The following CRBN variants were observed in gnomAD, a reference collection of about 807,000 sequenced individuals.
The protein encoded by CRBN is protein cereblon.
In CRBN, 53 loss-of-function variants were observed where a neutral mutation model predicts 62.2. That is an observed-to-expected ratio of 0.85 (90% CI 0.68 to 1.07). CRBN has a LOEUF of 1.07. Among genes scored for constraint, CRBN ranks in the 50% least tolerant of loss-of-function variants. The pLI is 0.00. For missense variants in CRBN, 616 were observed against 531.1 expected (o/e 1.16, Z -1.57); for synonymous variants, 208 against 176.1 (o/e 1.18, Z -1.43).
chr3:3,177,367 ACTTT>A (rs1422161462), intron 1 of CRBN, among the ~76,000 whole-genome samples: 5 of 152,220 alleles, frequency 3.3e-5, no homozygotes, highest in African/African-American at 1.2e-4. Flanking sequence ...ACTGCCTTGG[ACTTT>A]CTATTTATTA....
intron 4 of CRBN, among the ~76,000 whole-genome samples, chr3:3,169,866 G>A (rs148648375): frequency 1.3e-5 from 2 of 150,460 alleles, no homozygotes; most frequent in Admixed American, 6.7e-5. Flanking sequence ...AACTTCTGAA[G>A]AGTCCTATGT....
At chr3:3,171,531 G>C (rs1447900167) in intron 4 of CRBN, among the ~76,000 whole-genome samples, 1 of 152,172 alleles carries the variant, frequency 6.6e-6, no homozygotes, top group East Asian at 1.9e-4. Context: ...TGTCAGGACA[G>C]TGCAATGTGG....
In CRBN at chr3:3,167,126, G is replaced by A. The variant is rs1430587690; in HGVS notation, c.687+508C>T. Among the ~76,000 whole-genome samples the A allele has an allele frequency of 2.0e-5, 3 of 152,062 alleles. No homozygotes were observed. The East Asian group carries it at 5.8e-4, about 29-fold the overall frequency. ...CAAAGGATATAACATAGGAATTAGT[G>A]CCCAAACAAGCAACATTTTTAAAGA... On this transcript the variant is annotated intron_variant, in intron 5 of 10. Coordinates refer to ENST00000231948, the MANE Select transcript of CRBN (RefSeq NM_016302.4).
chr3:3,156,474 T>C lies in CRBN; in HGVS notation c.688-193A>G, dbSNP rs373032406. The C allele has an allele frequency of 5.4e-4, 321 of 593,510 alleles. 2 individuals are homozygous for C. The Middle Eastern group carries it at 6.8e-3, about 13-fold the overall frequency. 36.8% of individuals were successfully genotyped at this position (593,510 alleles called of 1,614,324 possible). A position where few individuals can be genotyped will look rare whatever the true frequency, so the allele number is the denominator to read the frequency against. On this transcript the variant is annotated intron_variant, in intron 5 of 10. Transcript: ENST00000231948. ...TCATGCTTCCTATATCCTTCAAATA[T>C]ATATTGTAACTAGAATCTTCATTCC...
Position 3,175,099 on chromosome 3 carries a change from T to TA in CRBN, c.174+63dup, listed in dbSNP as rs896101132. On this transcript the variant is annotated intron_variant, in intron 2 of 10. Transcript: ENST00000231948. ...AATACAAATATCAGTCACTTGTTTT[T>TA]ATGAACTTTTATCTACATTTAAATG... 165 of 1,122,112 alleles carry TA rather than the reference T, an allele frequency of 1.5e-4. 1 individual carries two copies. The African/African-American group carries it at 2.4e-3, about 16-fold the overall frequency. 69.5% of individuals were successfully genotyped at this position (1,122,112 alleles called of 1,614,324 possible).
intron 1 of CRBN, among the ~76,000 whole-genome samples, chr3:3,176,996 T>G: frequency 6.6e-6 from 1 of 152,200 alleles, no homozygotes; most frequent in East Asian, 1.9e-4. Context: ...ACAGGTGATT[T>G]TGCCCCTCAG....
chr3:3,179,555 C>G, intron 1 of CRBN, 66 bp downstream of exon 1: 1 of 1,521,344 alleles, frequency 6.6e-7, no homozygotes, highest in Non-Finnish European at 9.1e-7. Context: ...CCAGGCCCAG[C>G]TGCACCGCTA....
chr3:3,163,601 A>T (rs1707220100), intron 5 of CRBN, among the ~76,000 whole-genome samples: 1 of 152,224 alleles, frequency 6.6e-6, no homozygotes, highest in Non-Finnish European at 1.5e-5. Flanking sequence ...AGACTGCAGG[A>T]TCCTACAGGC....
intron 5 of CRBN, among the ~76,000 whole-genome samples, chr3:3,159,963 C>A (rs1468888218): frequency 6.6e-6 from 1 of 152,088 alleles, no homozygotes; most frequent in Admixed American, 6.6e-5. Context: ...AATGGTTATA[C>A]CTCAAGAAAA....
chr3:3,153,871 T>C (rs917466661), intron 8 of CRBN, 89 bp downstream of exon 8: 2 of 795,334 alleles, frequency 2.5e-6, no homozygotes, highest in Non-Finnish European at 4.5e-6. Context: ...TACTGGACTC[T>C]ATACAGAGCT....
At chr3:3,155,911 A>G (rs533686679) in intron 6 of CRBN, 9 of 323,632 alleles carry the variant, frequency 2.8e-5, no homozygotes, top group East Asian at 2.3e-4. Flanking sequence ...GGCTCAATCA[A>G]TCCTTCCACC....
chr3:3,158,426 G>C (rs1707000988), intron 5 of CRBN, among the ~76,000 whole-genome samples: 1 of 152,192 alleles, frequency 6.6e-6, no homozygotes, highest in African/African-American at 2.4e-5. Context: ...CCTACTGTGT[G>C]CTCTGGTAGT....
intron 5 of CRBN, among the ~76,000 whole-genome samples, chr3:3,158,511 A>G (rs1048624577): frequency 3.3e-5 from 5 of 152,218 alleles, no homozygotes; most frequent in Non-Finnish European, 7.3e-5. Context: ...TTTTAAGACT[A>G]AATACCTAAT....
At chr3:3,154,128 A>C in intron 7 of CRBN, 53 bp from the exon 8 acceptor site, 3 of 1,032,168 alleles carry the variant, frequency 2.9e-6, no homozygotes, top group Non-Finnish European at 4.6e-6. Flanking sequence ...TAAGCATCAG[A>C]GAACTTACAA....
chr3:3,178,019 A>G (rs200601270), intron 1 of CRBN, among the ~76,000 whole-genome samples: 1 of 150,880 alleles, frequency 6.6e-6, no homozygotes, highest in African/African-American at 2.4e-5. Flanking sequence ...AAAACAAACA[A>G]AAAAAAAACA....
intron 7 of CRBN, chr3:3,154,323 T>G: frequency 2.0e-6 from 1 of 512,806 alleles, no homozygotes; most frequent in African/African-American, 1.9e-5. Context: ...AAATCCATGT[T>G]AGAAGTTATT....
intron 2 of CRBN, 62 bp from the exon 3 acceptor site, chr3:3,174,323 A>G: frequency 6.2e-6 from 8 of 1,299,074 alleles, no homozygotes; most frequent in Non-Finnish European, 8.9e-6. Context: ...TGTAAGCTCA[A>G]CAGACTAAAG....
In CRBN at chr3:3,150,742, A is replaced by ATGTT; in HGVS notation, c.*119_*122dup. ...CTTAGAAACTGCAACCCTCCAAGTA[A>ATGTT]TGTTATGTTTACTTAGGTATTAATG... On this transcript the variant is annotated 3_prime_UTR_variant, in exon 11 of 11. Transcript: ENST00000231948. 1.1e-6 allele frequency: 1 copy of ATGTT among 948,364 alleles called. No individual in the cohort carries two copies. The allele number at this position is 948,364 out of a possible 1,614,324, so 58.7% of individuals were successfully genotyped here. A position where few individuals can be genotyped will look rare whatever the true frequency, so the allele number is the denominator to read the frequency against.
intron 1 of CRBN, among the ~76,000 whole-genome samples, chr3:3,177,293 A>G (rs1477819436): frequency 6.6e-6 from 1 of 152,248 alleles, no homozygotes; most frequent in African/African-American, 2.4e-5. Context: ...GCATATCATT[A>G]TTTAAGTCAA....
Sources: gnomAD v4.1 joint callset for allele counts (sites outside exome capture counted in the v4.1 genomes callset) on GRCh38, gnomAD v4.1.1 for gene constraint, MANE v1.5 for transcripts, NCBI Gene and HGNC (gene_info 2026-07-23, HGNC 2026-07-21) for gene names.